The following TENT5D variants were observed in gnomAD, a reference collection of about 807,000 sequenced individuals.
TENT5D encodes the protein terminal nucleotidyltransferase 5D.
For missense variants in TENT5D, 191 were observed against 287.0 expected (o/e 0.67, Z 2.42); for synonymous variants, 103 against 100.6 (o/e 1.02, Z -0.15).
chrX:80,396,757 T>C (rs1466117778), intron 3 of TENT5D, among the ~76,000 whole-genome samples: 2 of 101,045 alleles, frequency 2.0e-5, no homozygotes, highest in Middle Eastern at 4.8e-3. Flanking sequence ...ACCACCATTG[T>C]CATCATGGCC....
At chrX:80,362,304 C>T (rs771907172) in intron 3 of TENT5D, among the ~76,000 whole-genome samples, 74 of 111,145 alleles carry the variant, frequency 6.7e-4, no homozygotes, top group Non-Finnish European at 1.3e-3. Flanking sequence ...GCTGGGACTA[C>T]AGGCATGTGC....
intron 3 of TENT5D, among the ~76,000 whole-genome samples, chrX:80,373,183 T>A (rs975176212): frequency 2.6e-4 from 29 of 111,175 alleles, no homozygotes; most frequent in Non-Finnish European, 4.5e-4. Flanking sequence ...AAAATGTAAA[T>A]ATACATTTTT....
At chrX:80,383,666 C>G (rs1930925358) in intron 3 of TENT5D, among the ~76,000 whole-genome samples, 1 of 111,145 alleles carries the variant, frequency 9.0e-6, no homozygotes, top group African/African-American at 3.3e-5. Flanking sequence ...ACCGTCCTGG[C>G]TAATACAGTG....
At chrX:80,395,572 A>G (rs1392345449) in intron 3 of TENT5D, among the ~76,000 whole-genome samples, 5 of 111,351 alleles carry the variant, frequency 4.5e-5, no homozygotes, top group African/African-American at 1.3e-4. Context: ...TCAATTGTAA[A>G]TTGATAAGTA....
intron 3 of TENT5D, among the ~76,000 whole-genome samples, chrX:80,411,486 C>G (rs1358872949): frequency 1.8e-5 from 2 of 111,349 alleles, no homozygotes; most frequent in African/African-American, 6.5e-5. Flanking sequence ...AGATTTTTTT[C>G]TCATATAAAA....
intron 3 of TENT5D, among the ~76,000 whole-genome samples, chrX:80,383,804 C>T (rs1243603578): frequency 1.8e-5 from 2 of 110,811 alleles, no homozygotes. Flanking sequence ...TGCAGTGAGC[C>T]GAGATTGTGC....
At position 80,391,617 on chromosome X, in the gene TENT5D, A is replaced by G. The variant is rs1306566261; in HGVS notation, c.-141-46993A>G. On this transcript the variant is annotated intron_variant, in intron 3 of 4. Coordinates refer to the TENT5D transcript ENST00000538312. The stretch of plus-strand genomic sequence containing the variant: ...AATGATATGGGAATCTGCTATGATA[A>G]TAAAAATATATCATGTCTGAAAAAG... Among the ~76,000 whole-genome samples, 3 of 112,336 alleles carry G rather than the reference A, an allele frequency of 2.7e-5. No individual in the cohort carries two copies. In the East Asian group the frequency reaches 8.4e-4, roughly 31 times the overall value.
chrX:80,411,896 G>A (rs1473864606), intron 3 of TENT5D, among the ~76,000 whole-genome samples: 1 of 111,907 alleles, frequency 8.9e-6, no homozygotes, highest in Admixed American at 9.5e-5. Context: ...GGGTTTGGAG[G>A]ATGGTGGCCA....
chrX:80,338,326 C>T (rs1051700234), intron 2 of TENT5D, among the ~76,000 whole-genome samples: 1 of 111,750 alleles, frequency 8.9e-6, no homozygotes, highest in African/African-American at 3.3e-5. Context: ...AAAGTAACAT[C>T]AGTCACATAT....
At chrX:80,384,136 G>A (rs1359040325) in intron 3 of TENT5D, among the ~76,000 whole-genome samples, 24 of 104,665 alleles carry the variant, frequency 2.3e-4, no homozygotes, top group South Asian at 9.3e-4. Flanking sequence ...GAGAATTTTA[G>A]ACCAATATCC....
intron 1 of TENT5D, among the ~76,000 whole-genome samples, chrX:80,434,542 A>G (rs929916243): frequency 3.6e-5 from 4 of 111,958 alleles, no homozygotes; most frequent in Admixed American, 1.9e-4. Context: ...GTGAGTGGCT[A>G]TAAATTTTGG....
chrX:80,395,355 A>G (rs1271580433), intron 3 of TENT5D, among the ~76,000 whole-genome samples: 1 of 111,922 alleles, frequency 8.9e-6, no homozygotes, highest in East Asian at 2.8e-4. Flanking sequence ...TGACATATTG[A>G]TTTCATTTCC....
chrX:80,423,787 G>T (rs749432409), intron 1 of TENT5D, among the ~76,000 whole-genome samples: 2 of 111,351 alleles, frequency 1.8e-5, no homozygotes, highest in African/African-American at 6.5e-5. Flanking sequence ...CTATTTCCTG[G>T]AAGCCTGCTG....
intron 3 of TENT5D, among the ~76,000 whole-genome samples, chrX:80,372,886 CAAAAA>C (rs59485814): frequency 5.8e-5 from 4 of 68,693 alleles, no homozygotes; most frequent in Non-Finnish European, 8.1e-5. Flanking sequence ...GACTCTATCT[CAAAAA>C]AAAAAAAAAA....
chrX:80,339,172 A>T (rs1929909216), intron 2 of TENT5D, among the ~76,000 whole-genome samples: 1 of 111,380 alleles, frequency 9.0e-6, no homozygotes, highest in African/African-American at 3.3e-5. Flanking sequence ...CTTGATTCCC[A>T]GTGCAGTACT....
chrX:80,351,379 C>T (rs1422950693), intron 3 of TENT5D, among the ~76,000 whole-genome samples: 2 of 107,151 alleles, frequency 1.9e-5, no homozygotes, highest in African/African-American at 6.8e-5. Context: ...CTTGTCTTCA[C>T]TCCTCATTTC....
At chrX:80,358,144 C>T (rs1930327200) in intron 3 of TENT5D, among the ~76,000 whole-genome samples, 1 of 111,673 alleles carries the variant, frequency 9.0e-6, no homozygotes, top group South Asian at 3.7e-4. Flanking sequence ...CCCTTCCTTA[C>T]ACCTTATACA....
intron 3 of TENT5D, among the ~76,000 whole-genome samples, chrX:80,382,968 C>T (rs1404036030): frequency 8.9e-6 from 1 of 112,029 alleles, no homozygotes; most frequent in Non-Finnish European, 1.9e-5. Flanking sequence ...GGATGCCCCA[C>T]CCTGCTTCAG....
At chrX:80,436,482 G>T (rs1473844136) in intron 1 of TENT5D, among the ~76,000 whole-genome samples, 1 of 110,425 alleles carries the variant, frequency 9.1e-6, no homozygotes, top group Admixed American at 9.7e-5. Flanking sequence ...ATGGTGGTTT[G>T]CTGCACCCAT....
Sources: allele counts gnomAD v4.1 joint callset (sites outside exome capture counted in the v4.1 genomes callset), GRCh38; gene constraint gnomAD v4.1.1; transcripts MANE v1.5; gene names NCBI Gene and HGNC (gene_info 2026-07-23, HGNC 2026-07-21).